Variants in XPO6 observed in about 807,000 individuals in gnomAD.
XPO6 encodes exportin-6.
In XPO6, 3 loss-of-function variants were observed where a neutral mutation model predicts 130.0. The observed-to-expected ratio is 0.02, with a 90% CI of 0.01 to 0.06. The LOEUF is 0.06. Among genes scored for constraint, XPO6 ranks in the 10% least tolerant of loss-of-function variants. The probability of loss-of-function intolerance (pLI) is 1.00; values close to 1 mark genes in which losing one functional copy is unlikely to be tolerated. For missense variants in XPO6, 970 were observed against 1,393.0 expected (o/e 0.70, Z 4.83); for synonymous variants, 524 against 548.9 (o/e 0.95, Z 0.63).
intron 6 of XPO6, among the ~76,000 whole-genome samples, chr16:28,161,176 T>C (rs529263862): frequency 3.9e-5 from 6 of 152,364 alleles, no homozygotes; most frequent in African/African-American, 1.4e-4. Flanking sequence ...AACTGCAATG[T>C]GGAATCTGGA....
chr16:28,101,195 G>A lies in XPO6; in HGVS notation c.3276+263C>T. The A allele has an allele frequency of 1.8e-6, 1 of 549,658 alleles. No homozygotes were observed. Among genetic ancestry groups the A allele is most frequent in the East Asian group, 3.2e-5 (1 of 30,976 alleles). 34.0% of individuals were successfully genotyped at this position (549,658 alleles called of 1,614,324 possible). ...GAACAAAGATGCCAAGACAAATGGA[G>A]GGGCTGCAGAGCCAGGAACTCGGGA... On this transcript the variant is annotated intron_variant, in intron 23 of 23. Coordinates refer to ENST00000304658, the MANE Select transcript of XPO6 (RefSeq NM_015171.4). The surrounding 1 kb of genome is among the most constrained non-coding windows in gnomAD (Gnocchi z 5.4).
intron 6 of XPO6, chr16:28,165,390 C>G (rs955606618): frequency 6.6e-6 from 1 of 152,106 alleles, no homozygotes; most frequent in African/African-American, 2.4e-5. Flanking sequence ...CAAATATCTA[C>G]CTAAAGAATA....
In XPO6 at chr16:28,175,687, A is replaced by C. The variant is rs921414894; in HGVS notation, c.405+211T>G. Among the ~76,000 whole-genome samples, 685 of 152,300 alleles carry C rather than the reference A, an allele frequency of 4.5e-3. 6 individuals carry two copies. Among genetic ancestry groups the C allele is most frequent in the African/African-American group, 0.016 (665 of 41,558 alleles). ...TGAACAAACTGCACAAGAGGTTAAA[A>C]AGAGATTAAGTTTTTCTCCCCCACT... is the stretch of plus-strand genomic sequence containing the variant. On this transcript the variant is annotated intron_variant, in intron 4 of 23. Coordinates refer to ENST00000304658, the MANE Select transcript of XPO6 (RefSeq NM_015171.4).
intron 4 of XPO6, chr16:28,173,208 C>G (rs1186638302): frequency 1.3e-5 from 2 of 152,166 alleles, no homozygotes; most frequent in African/African-American, 4.8e-5. Flanking sequence ...TGGAACCAAT[C>G]CCCCACGGAT....
At chr16:28,122,971 A>C (rs951034515) in intron 13 of XPO6, among the ~76,000 whole-genome samples, 1 of 152,122 alleles carries the variant, frequency 6.6e-6, no homozygotes, top group Non-Finnish European at 1.5e-5. Flanking sequence ...CAATTCTTTC[A>C]GAAGCAAGCT....
intron 23 of XPO6, among the ~76,000 whole-genome samples, 200 bp from the exon 24 acceptor site, chr16:28,098,839 C>T (rs886357383): frequency 6.6e-6 from 1 of 152,160 alleles, no homozygotes; most frequent in African/African-American, 2.4e-5. Context: ...AAGAGGAATA[C>T]GTCCCTAGGG....
chr16:28,110,924 C>T (rs908309726), intron 17 of XPO6, among the ~76,000 whole-genome samples: 1 of 152,198 alleles, frequency 6.6e-6, no homozygotes, highest in Non-Finnish European at 1.5e-5. Flanking sequence ...GTCAGCTACT[C>T]TCATCCAGCT....
intron 1 of XPO6, among the ~76,000 whole-genome samples, chr16:28,196,877 T>C (rs1244035090): frequency 6.6e-6 from 1 of 151,980 alleles, no homozygotes; most frequent in Non-Finnish European, 1.5e-5. Flanking sequence ...GTAGCCTGAG[T>C]CCCTTACCAC....
chr16:28,193,044 C>T (rs1193938728), intron 1 of XPO6, among the ~76,000 whole-genome samples: 2 of 152,202 alleles, frequency 1.3e-5, no homozygotes, highest in Non-Finnish European at 2.9e-5. Flanking sequence ...CTCTCCCTCA[C>T]TGTAAGTTCT....
chr16:28,135,443 G>C lies in XPO6; in HGVS notation c.1335-119C>G, dbSNP rs543426393. 3.9e-6 allele frequency: 3 copies of C among 766,232 alleles called. No homozygotes were observed. In the East Asian group the frequency reaches 7.9e-5, roughly 20 times the overall value. The allele number at this position is 766,232 out of a possible 1,614,324, so 47.5% of individuals were successfully genotyped here. ...TTGATCACCATGGAAAAAGAGCATCGAAATTCCTGAGGCTGAGTTTATGGG... is the reference window on the plus strand; with the variant it reads ...TTGATCACCATGGAAAAAGAGCATCCAAATTCCTGAGGCTGAGTTTATGGG... On this transcript the variant is annotated intron_variant, in intron 9 of 23. Coordinates refer to ENST00000304658, the MANE Select transcript of XPO6 (RefSeq NM_015171.4).
intron 1 of XPO6, among the ~76,000 whole-genome samples, chr16:28,194,411 T>C (rs1361827567): frequency 6.6e-6 from 1 of 152,184 alleles, no homozygotes; most frequent in African/African-American, 2.4e-5. Flanking sequence ...TTCAGGACAG[T>C]AAGAGTTTGG....
intron 2 of XPO6, among the ~76,000 whole-genome samples, chr16:28,178,364 T>C (rs767611644): frequency 2.0e-5 from 3 of 150,698 alleles, no homozygotes; most frequent in Admixed American, 6.6e-5. Flanking sequence ...AGGCCAGGAG[T>C]TGAAAGACCA....
rs761878583 is a variant in XPO6, at chr16:28,117,411, C to G, written c.1911G>C (p.Gln637His). The G allele has an allele frequency of 1.9e-6, 3 of 1,614,200 alleles. No homozygotes were observed. The Admixed American group carries it at 5.0e-5, about 27-fold the overall frequency. Residue 637 changes from glutamine (Q) to histidine (H), a missense_variant, in exon 15 of 24, where the codon CAG (glutamine) becomes CAC (histidine). This residue lies in a region of XPO6 where 936 missense variants were observed against 1,306.8 expected (regional missense o/e 0.72). Coordinates refer to ENST00000304658, the MANE Select transcript of XPO6 (RefSeq NM_015171.4). Reference protein sequence around the residue: ...ALQAYSHWLAQYCSEVHRQNT... With the variant: ...ALQAYSHWLAHYCSEVHRQNT... ...TCTGCCGGTGAACTTCACTGCAATA[C>G]TGTGCTAACCAGTGAGAGTAAGCCT... is the stretch of plus-strand genomic sequence containing the variant.
At chr16:28,205,476 C>CA (rs1483954239) in intron 1 of XPO6, among the ~76,000 whole-genome samples, 2 of 152,156 alleles carry the variant, frequency 1.3e-5, no homozygotes, top group Non-Finnish European at 2.9e-5. Context: ...TCTTCTCAGC[C>CA]AATCTCTCTC....
intron 13 of XPO6, among the ~76,000 whole-genome samples, chr16:28,124,789 T>C (rs1426986394): frequency 6.6e-6 from 1 of 152,248 alleles, no homozygotes; most frequent in Non-Finnish European, 1.5e-5. Context: ...CTTGGCTATC[T>C]TTGCTTTTCA....
chr16:28,207,669 CT>C, intron 1 of XPO6, among the ~76,000 whole-genome samples: 1 of 152,320 alleles, frequency 6.6e-6, no homozygotes, highest in South Asian at 2.1e-4. Context: ...CCTGATCTTC[CT>C]TCCCATGAGG....
At chr16:28,194,727 G>A (rs373896724) in intron 1 of XPO6, among the ~76,000 whole-genome samples, 27 of 152,112 alleles carry the variant, frequency 1.8e-4, no homozygotes, top group East Asian at 1.2e-3. Context: ...AAGACTGGTC[G>A]TACATTCTCT....
intron 13 of XPO6, among the ~76,000 whole-genome samples, chr16:28,123,074 C>A (rs370637944): frequency 6.6e-6 from 1 of 152,004 alleles, no homozygotes; most frequent in Non-Finnish European, 1.5e-5. Context: ...ATGGGAAATG[C>A]CTCTTTCATT....
At chr16:28,193,771 C>G (rs565188294) in intron 1 of XPO6, among the ~76,000 whole-genome samples, 1 of 152,272 alleles carries the variant, frequency 6.6e-6, no homozygotes, top group East Asian at 1.9e-4. Flanking sequence ...AATCCCCGCA[C>G]AGCAAGCACG....
Sources: allele counts gnomAD v4.1 joint callset (sites outside exome capture counted in the v4.1 genomes callset), GRCh38; gene constraint gnomAD v4.1.1; regional missense constraint gnomAD v4.1.1; non-coding constraint Gnocchi (gnomAD v3.1); transcripts MANE v1.5; gene names NCBI Gene and HGNC (gene_info 2026-07-23, HGNC 2026-07-21).